Variants in GRID2 observed in about 807,000 individuals in gnomAD.
The protein encoded by GRID2 is glutamate receptor ionotropic, delta-2.
Under a neutral mutation model 114.8 loss-of-function variants are expected in GRID2, and 33 were observed. The ratio of observed to expected loss-of-function variants is 0.29; its 90% CI spans 0.22 to 0.38. The LOEUF (loss-of-function observed/expected upper bound fraction) is 0.38. Among genes scored for constraint, GRID2 ranks in the 10% least tolerant of loss-of-function variants. GRID2 has a pLI of 1.00. For synonymous variants in GRID2, 505 were observed against 449.9 expected (o/e 1.12, Z -1.55); for missense variants, 1,184 against 1,257.7 (o/e 0.94, Z 0.89).
At chr4:93,228,553 A>T (rs569912490) in intron 7 of GRID2, among the ~76,000 whole-genome samples, 1 of 152,180 alleles carries the variant, frequency 6.6e-6, no homozygotes. Flanking sequence ...GCTGTTATCA[A>T]CAAAAGTACT....
intron 1 of GRID2, among the ~76,000 whole-genome samples, chr4:92,425,308 A>G (rs1732103475): frequency 1.3e-5 from 2 of 152,176 alleles, no homozygotes; most frequent in Admixed American, 6.5e-5. Flanking sequence ...GGAACAGCTC[A>G]TACTACATTA....
At position 92,383,027 on chromosome 4, in the gene GRID2, G is replaced by C. The variant is rs77566491; in HGVS notation, c.88+78283G>C. On this transcript the variant is annotated intron_variant, in intron 1 of 15. Transcript: ENST00000282020. ...TTTACTCATGGAGGAAGATGGAGGA[G>C]TAGCCAGCACTTCACATGGCCAGAA... 8.9e-3 allele frequency among the ~76,000 whole-genome samples: 1,348 copies of C among 152,062 alleles called. 18 individuals are homozygous for C. The highest frequency in any genetic ancestry group is 0.031 in the African/African-American group (1,298 of 41,518).
chr4:93,173,660 C>T (rs1179608937), intron 4 of GRID2, among the ~76,000 whole-genome samples: 1 of 152,106 alleles, frequency 6.6e-6, no homozygotes, highest in African/African-American at 2.4e-5. Context: ...TGAGACGTCT[C>T]ATTCTGTTGC....
chr4:93,305,654 T>C (rs1271767466), intron 8 of GRID2, among the ~76,000 whole-genome samples: 1 of 152,126 alleles, frequency 6.6e-6, no homozygotes, highest in African/African-American at 2.4e-5. Flanking sequence ...GCAAGAATCG[T>C]TGGAATTTAG....
intron 8 of GRID2, among the ~76,000 whole-genome samples, chr4:93,259,601 G>C (rs375844699): frequency 6.6e-6 from 1 of 151,562 alleles, no homozygotes; most frequent in East Asian, 1.9e-4. Flanking sequence ...TTGATCATCA[G>C]GATTTATATT....
chr4:93,180,185 A>C lies in GRID2; in HGVS notation c.736-27219A>C, dbSNP rs974437896. Among the ~76,000 whole-genome samples, 78 of 152,178 alleles carry C rather than the reference A, an allele frequency of 5.1e-4. 1 individual carries two copies. The highest frequency in any genetic ancestry group is 1.8e-3 in the African/African-American group (73 of 41,546). Reference sequence around the variant, plus strand: ...TCAATATTTTTCTTTCACCAAATACAGGCATATTTTGGAGACATCACACGA... The same window carrying C: ...TCAATATTTTTCTTTCACCAAATACCGGCATATTTTGGAGACATCACACGA... On this transcript the variant is annotated intron_variant, in intron 4 of 15. Coordinates refer to ENST00000282020, the MANE Select transcript of GRID2 (RefSeq NM_001510.4).
intron 1 of GRID2, among the ~76,000 whole-genome samples, chr4:92,434,203 C>A (rs138108063): frequency 1.3e-5 from 2 of 152,092 alleles, no homozygotes; most frequent in Non-Finnish European, 2.9e-5. Flanking sequence ...TCCTTTCAGG[C>A]GATTCCACAG....
At chr4:92,387,315 T>C (rs1327058062) in intron 1 of GRID2, among the ~76,000 whole-genome samples, 1 of 151,986 alleles carries the variant, frequency 6.6e-6, no homozygotes, top group African/African-American at 2.4e-5. Context: ...GACTGAATTA[T>C]TTCACATACT....
chr4:92,664,119 G>A (rs911188332), intron 2 of GRID2, among the ~76,000 whole-genome samples: 4 of 150,960 alleles, frequency 2.6e-5, no homozygotes, highest in African/African-American at 9.7e-5. Context: ...ATCGATTTGA[G>A]ATCTTTTTTT....
intron 2 of GRID2, among the ~76,000 whole-genome samples, chr4:92,666,943 C>T (rs549755720): frequency 1.3e-5 from 2 of 151,344 alleles, no homozygotes; most frequent in Non-Finnish European, 3.0e-5. Context: ...TCAAATACAG[C>T]AATTAATGAT....
At chr4:92,509,480 A>G (rs1007187246) in intron 1 of GRID2, among the ~76,000 whole-genome samples, 1 of 151,978 alleles carries the variant, frequency 6.6e-6, no homozygotes, top group Non-Finnish European at 1.5e-5. Context: ...CTGAGGCAAA[A>G]AGGATATATT....
intron 1 of GRID2, among the ~76,000 whole-genome samples, chr4:92,384,551 T>G (rs1729805478): frequency 2.2e-5 from 1 of 46,478 alleles, no homozygotes; most frequent in Non-Finnish European, 3.9e-5. Flanking sequence ...ATATATAATA[T>G]ATATTATATA....
intron 4 of GRID2, among the ~76,000 whole-genome samples, chr4:93,178,189 A>C (rs1476186178): frequency 6.6e-6 from 1 of 151,544 alleles, no homozygotes; most frequent in Non-Finnish European, 1.5e-5. Flanking sequence ...AAGCTACTGT[A>C]TCCTCTTTGT....
At chr4:93,288,607 C>T (rs1753422323) in intron 8 of GRID2, among the ~76,000 whole-genome samples, 1 of 152,306 alleles carries the variant, frequency 6.6e-6, no homozygotes, top group Admixed American at 6.5e-5. Context: ...GGCTTCCTCA[C>T]CTATATACTT....
At chr4:92,610,522 T>G (rs2149227986) in intron 2 of GRID2, among the ~76,000 whole-genome samples, 1 of 151,786 alleles carries the variant, frequency 6.6e-6, no homozygotes, top group Admixed American at 6.6e-5. Flanking sequence ...CTTCTGTTTT[T>G]TACCATTTTC....
At chr4:93,753,712 T>C (rs1205613527) in intron 14 of GRID2, among the ~76,000 whole-genome samples, 2 of 152,214 alleles carry the variant, frequency 1.3e-5, no homozygotes, top group Admixed American at 6.5e-5. Flanking sequence ...ATGGTGTACA[T>C]GTGCCACATT....
intron 1 of GRID2, among the ~76,000 whole-genome samples, chr4:92,497,133 T>C (rs367776279): frequency 2.6e-5 from 4 of 151,830 alleles, no homozygotes; most frequent in African/African-American, 9.7e-5. Flanking sequence ...AGGATAACTT[T>C]CCTCTGGTTA....
intron 1 of GRID2, among the ~76,000 whole-genome samples, chr4:92,476,708 A>G (rs998462833): frequency 6.6e-6 from 1 of 152,196 alleles, no homozygotes; most frequent in Non-Finnish European, 1.5e-5. Context: ...TAAATAACAT[A>G]GCATTTAAAG....
intron 13 of GRID2, among the ~76,000 whole-genome samples, chr4:93,616,971 G>C (rs957811845): frequency 2.0e-5 from 3 of 148,296 alleles, no homozygotes; most frequent in Non-Finnish European, 4.5e-5. Context: ...CAGCCTGGGC[G>C]ACAGAATGAG....
Sources: gnomAD v4.1 joint callset for allele counts (sites outside exome capture counted in the v4.1 genomes callset) on GRCh38, gnomAD v4.1.1 for gene constraint, MANE v1.5 for transcripts, NCBI Gene and HGNC (gene_info 2026-07-23, HGNC 2026-07-21) for gene names.